LAMB1: variants seen among roughly 807,000 people sequenced by gnomAD.
The protein encoded by LAMB1 is laminin subunit beta 1.
In LAMB1, 121 loss-of-function variants were observed where a neutral mutation model predicts 222.3. The ratio of observed to expected loss-of-function variants is 0.54; its 90% confidence interval spans 0.47 to 0.63. LAMB1 has a LOEUF of 0.63. LAMB1 is among the 30% of genes least tolerant of loss of function. LAMB1 has a pLI of 0.00. For synonymous variants in LAMB1, 794 were observed against 807.2 expected (o/e 0.98, Z 0.28); for missense variants, 2,172 against 2,240.8 (o/e 0.97, Z 0.62).
intron 5 of LAMB1, among the ~76,000 whole-genome samples, chr7:107,989,471 T>C (rs1373196322): frequency 6.6e-6 from 1 of 152,222 alleles, no homozygotes; most frequent in East Asian, 1.9e-4. Flanking sequence ...CTGAGCTTTT[T>C]CTCTGATAAA....
rs373663161 is a variant in LAMB1, at chr7:107,997,368, A to G, written c.349+989T>C. ...AACCCAGGACGTGGAGGTTGCAGTA[A>G]GCTGAGATTGCGCCATTGCATTCCA... On this transcript the variant is annotated intron_variant, in intron 4 of 33. Coordinates refer to ENST00000222399, the MANE Select transcript of LAMB1 (RefSeq NM_002291.3). Among the ~76,000 whole-genome samples the G allele has an allele frequency of 3.9e-5, 6 of 152,214 alleles. No individual in the cohort carries two copies. The South Asian group carries it at 1.2e-3, about 31-fold the overall frequency.
At chr7:107,959,872 C>T in intron 18 of LAMB1, 38 bp from the exon 19 acceptor site, 3 of 1,599,396 alleles carry the variant, frequency 1.9e-6, no homozygotes, top group Non-Finnish European at 2.6e-6. Context: ...TGACACGGAG[C>T]AGCACATCAT....
intron 23 of LAMB1, 56 bp from the exon 24 acceptor site, chr7:107,951,378 C>A: frequency 1.3e-6 from 2 of 1,519,906 alleles, no homozygotes; most frequent in South Asian, 2.3e-5. Context: ...AGCCAGTTGT[C>A]ATCTTTTTTT....
At chr7:107,990,203 T>A (rs2034156559) in intron 5 of LAMB1, among the ~76,000 whole-genome samples, 1 of 152,052 alleles carries the variant, frequency 6.6e-6, no homozygotes, top group South Asian at 2.1e-4. Flanking sequence ...CATGCCTGGC[T>A]AATTTTTTAA....
intron 25 of LAMB1, among the ~76,000 whole-genome samples, chr7:107,937,794 C>T (rs1157193004): frequency 1.3e-5 from 2 of 152,202 alleles, no homozygotes; most frequent in East Asian, 1.9e-4. Context: ...CTTTCATACA[C>T]TCCTCTCTTC....
intron 13 of LAMB1, among the ~76,000 whole-genome samples, chr7:107,968,146 C>T (rs1216320698): frequency 2.6e-5 from 4 of 152,116 alleles, no homozygotes; most frequent in Non-Finnish European, 4.4e-5. Context: ...GCTCACTAAT[C>T]GCACCTTTCA....
intron 5 of LAMB1, among the ~76,000 whole-genome samples, chr7:107,988,980 T>C (rs143345643): frequency 6.6e-6 from 1 of 152,286 alleles, no homozygotes; most frequent in Non-Finnish European, 1.5e-5. Flanking sequence ...CACATTTGTC[T>C]GACAAATGAG....
At chr7:107,995,065 A>T (rs1162386893) in intron 4 of LAMB1, 105 bp from the exon 5 acceptor site, 2 of 632,902 alleles carry the variant, frequency 3.2e-6, no homozygotes, top group Non-Finnish European at 2.7e-6. Flanking sequence ...TCCCCATAGA[A>T]ATTATCCTCG....
chr7:107,935,745 C>T, intron 26 of LAMB1, 89 bp from the exon 27 acceptor site: 1 of 1,351,936 alleles, frequency 7.4e-7, no homozygotes. Context: ...TCTTCGGGTC[C>T]TAAATTTACT....
intron 28 of LAMB1, 125 bp downstream of exon 28, chr7:107,932,049 T>G: frequency 1.1e-6 from 1 of 870,312 alleles, no homozygotes; most frequent in Non-Finnish European, 1.9e-6. Flanking sequence ...AACTTTCATA[T>G]TTGATTGTGA....
At chr7:107,948,752 C>T (rs1361942595) in intron 24 of LAMB1, among the ~76,000 whole-genome samples, 1 of 152,108 alleles carries the variant, frequency 6.6e-6, no homozygotes, top group Admixed American at 6.5e-5. Flanking sequence ...GGCAGTCTGG[C>T]TCCAGGACCT....
At chr7:107,967,136 C>T (rs543012863) in intron 13 of LAMB1, among the ~76,000 whole-genome samples, 1 of 152,348 alleles carries the variant, frequency 6.6e-6, no homozygotes, top group Admixed American at 6.5e-5. Context: ...AGATCATCAC[C>T]ACCCACACTG....
intron 5 of LAMB1, among the ~76,000 whole-genome samples, chr7:107,988,279 G>T (rs1244916573): frequency 6.6e-6 from 1 of 152,202 alleles, no homozygotes; most frequent in Admixed American, 6.5e-5. Context: ...GAAAGCATTT[G>T]GTTGTAGGCT....
At chr7:107,975,638 G>T in intron 10 of LAMB1, 51 bp downstream of exon 10, 1 of 1,513,558 alleles carries the variant, frequency 6.6e-7, no homozygotes, top group South Asian at 1.2e-5. Flanking sequence ...ATTCAGTTTG[G>T]AAGGCAATCT....
Position 107,998,386 on chromosome 7 carries a change from C to T in LAMB1, c.320G>A (p.Arg107His), listed in dbSNP as rs2034319278. ...TTCAGATTGCCACCAAATCTTAAGGCGGTTTGGAGCAAATGTAGTGACCAC... is the reference window on the plus strand; with the variant it reads ...TTCAGATTGCCACCAAATCTTAAGGTGGTTTGGAGCAAATGTAGTGACCAC... ...ENVVTTFAPN[R>H]LKIWWQSENG... is the part of the protein sequence containing the mutation. Residue 107 changes from arginine (R) to histidine (H), a missense_variant, in exon 4 of 34, where the codon CGC (arginine) becomes CAC (histidine). Transcript: ENST00000222399. 2.5e-6 allele frequency: 4 copies of T among 1,613,920 alleles called. No homozygotes were observed. Among genetic ancestry groups the T allele is most frequent in the Non-Finnish European group, 3.4e-6 (4 of 1,179,918 alleles).
chr7:107,986,421 T>A, intron 5 of LAMB1, 58 bp from the exon 6 acceptor site: 1 of 1,453,410 alleles, frequency 6.9e-7, no homozygotes, highest in Non-Finnish European at 9.3e-7. Flanking sequence ...TCTACTTTTT[T>A]TAATCTCAGG....
chr7:107,977,715 G>A (rs2033895831), intron 9 of LAMB1, among the ~76,000 whole-genome samples: 1 of 152,066 alleles, frequency 6.6e-6, no homozygotes, highest in Non-Finnish European at 1.5e-5. Context: ...GGAGGCAGAG[G>A]TTGCAGTGAG....
In LAMB1 at chr7:107,959,766, G is replaced by A. The variant is rs80095409; in HGVS notation, c.2383C>T (p.Arg795Trp). The change falls in exon 19 of 34, where the codon CGG (arginine) becomes TGG (tryptophan). Residue 795 changes from arginine (R) to tryptophan (W), a missense_variant. Physicochemically the swap from Arg to Trp is moderately radical, Grantham distance 101. Transcript: ENST00000222399. ...CDPNGGQCQC[R>W]PNVVGRTCNR... is the part of the protein sequence containing the mutation. Reference sequence around the variant, plus strand: ...CAGGTTCTTCCAACCACGTTGGGCCGGCACTGGCACTGGCCTCCGTTGGGA... The same window carrying A: ...CAGGTTCTTCCAACCACGTTGGGCCAGCACTGGCACTGGCCTCCGTTGGGA... 7 of 1,614,012 alleles carry A rather than the reference G, an allele frequency of 4.3e-6. No homozygotes were observed. Among genetic ancestry groups the A allele is most frequent in the South Asian group, 2.2e-5 (2 of 91,042 alleles).
At chr7:107,970,172 G>A (rs2033718117) in intron 13 of LAMB1, among the ~76,000 whole-genome samples, 1 of 152,070 alleles carries the variant, frequency 6.6e-6, no homozygotes, top group Non-Finnish European at 1.5e-5. Flanking sequence ...GAGGGTTCGG[G>A]GCTTCACCAC....
Sources: gnomAD v4.1 joint callset for allele counts (sites outside exome capture counted in the v4.1 genomes callset) on GRCh38, gnomAD v4.1.1 for gene constraint, MANE v1.5 for transcripts, NCBI Gene and HGNC (gene_info 2026-07-23, HGNC 2026-07-21) for gene names.